BICD1: variants seen among roughly 807,000 people sequenced by gnomAD.
The protein encoded by BICD1 is protein bicaudal D homolog 1.
In BICD1, 35 loss-of-function variants were observed where a neutral mutation model predicts 92.5. That is an observed-to-expected ratio of 0.38 (90% CI 0.29 to 0.50). The LOEUF (loss-of-function observed/expected upper bound fraction) is 0.50, where lower values mean the gene tolerates loss of function less well. Among genes scored for constraint, BICD1 ranks in the 20% least tolerant of loss-of-function variants. The probability of loss-of-function intolerance (pLI) is 0.93; values close to 1 mark genes in which losing one functional copy is unlikely to be tolerated. For missense variants in BICD1, 950 were observed against 1,189.8 expected, an observed-to-expected ratio of 0.80 and a Z score of 2.97; for synonymous variants, 429 against 465.1, an observed-to-expected ratio of 0.92 and a Z score of 1.00.
At position 32,328,396 on chromosome 12, in the gene BICD1, G is replaced by A; in HGVS notation, c.1941G>A (p.Leu647=). 6.2e-7 allele frequency: 1 copy of A among 1,614,210 alleles called. No individual in the cohort carries two copies. Residue 647 remains leucine, a synonymous_variant, in exon 5 of 10, where the codon TTG becomes TTA. Coordinates refer to ENST00000652176, the MANE Select transcript of BICD1 (RefSeq NM_001714.4). The surrounding 1 kb of genome is among the most constrained non-coding windows in gnomAD (Gnocchi z 4.4). ...TGCAGAAAGCTGTGGACCGGTCCTT[G>A]CAACTGTCTCGTCAAAGAGCAGCGG... is the stretch of plus-strand genomic sequence containing the variant. The part of the protein sequence containing the change: ...KHLQKAVDRS[L]QLSRQRAAAR...
At chr12:32,326,825 G>A (rs1948787782) in intron 4 of BICD1, among the ~76,000 whole-genome samples, 1 of 152,214 alleles carries the variant, frequency 6.6e-6, no homozygotes, top group African/African-American at 2.4e-5. Flanking sequence ...AGAGCCTGCA[G>A]TAAGCCCTGA....
intron 2 of BICD1, among the ~76,000 whole-genome samples, chr12:32,281,226 T>A (rs1947403983): frequency 6.6e-6 from 1 of 152,216 alleles, no homozygotes; most frequent in South Asian, 2.1e-4. Flanking sequence ...TTCCCGAACA[T>A]GTTTGTTTTA....
At chr12:32,197,660 G>A in intron 1 of BICD1, among the ~76,000 whole-genome samples, 1 of 152,150 alleles carries the variant, frequency 6.6e-6, no homozygotes, top group East Asian at 1.9e-4. Flanking sequence ...TATTCTGCAA[G>A]AAATAGATTA....
intron 8 of BICD1, among the ~76,000 whole-genome samples, chr12:32,341,950 A>G (rs1938382571): frequency 6.6e-6 from 1 of 151,888 alleles, no homozygotes; most frequent in South Asian, 2.1e-4. Flanking sequence ...TATGTTCTAT[A>G]TAAGAAATAT....
At chr12:32,351,511 A>AG (rs1938880300) in intron 8 of BICD1, among the ~76,000 whole-genome samples, 1 of 139,300 alleles carries the variant, frequency 7.2e-6, no homozygotes, top group Non-Finnish European at 1.6e-5. Flanking sequence ...AAAAAAAAAA[A>AG]GAAAGGAGAA....
rs1218829326 is a variant in BICD1 at position 32,380,356 on chromosome 12, A to G, written c.*2729A>G. The stretch of plus-strand genomic sequence containing the variant: ...GGCAGAACTAGTGAGAACCAAAAAG[A>G]ATGAACTCCAGTAAGACTAATTGAA... On this transcript the variant is annotated 3_prime_UTR_variant, in exon 10 of 10. Transcript: ENST00000652176. 3 of 152,198 alleles carry G rather than the reference A, an allele frequency of 2.0e-5. No individual in the cohort carries two copies. Among genetic ancestry groups the G allele is most frequent in the African/African-American group, 7.2e-5 (3 of 41,466 alleles). 9.4% of individuals were successfully genotyped at this position (152,198 alleles called of 1,614,324 possible).
chr12:32,216,213 T>C (rs185489), intron 1 of BICD1, 34 bp from the exon 2 acceptor site: 1 of 1,596,160 alleles, frequency 6.3e-7, no homozygotes. Flanking sequence ...ATGCATTTCA[T>C]TGTGTACTCT....
intron 1 of BICD1, chr12:32,108,618 T>A: frequency 1.5e-6 from 1 of 680,054 alleles, no homozygotes; most frequent in Non-Finnish European, 2.7e-6. Flanking sequence ...ATATCAAAAA[T>A]CTATTATTTA....
chr12:32,367,887 T>C (rs1442982130), intron 9 of BICD1, 142 bp downstream of exon 9: 6 of 736,536 alleles, frequency 8.1e-6, no homozygotes, highest in South Asian at 6.7e-5. Flanking sequence ...TAGACACACA[T>C]TGGACACCTG....
intron 1 of BICD1, among the ~76,000 whole-genome samples, chr12:32,144,973 T>C (rs1412710295): frequency 6.6e-6 from 1 of 152,212 alleles, no homozygotes; most frequent in African/African-American, 2.4e-5. Flanking sequence ...TTGTCTCTTA[T>C]CTAGGAAGGA....
At chr12:32,179,283 C>T (rs929663142) in intron 1 of BICD1, among the ~76,000 whole-genome samples, 2 of 152,078 alleles carry the variant, frequency 1.3e-5, no homozygotes, top group Admixed American at 6.6e-5. Context: ...AACCCATTTA[C>T]ACCAGTTTCC....
At chr12:32,339,494 A>C in intron 8 of BICD1, 1 of 985,516 alleles carries the variant, frequency 1.0e-6, no homozygotes, top group Non-Finnish European at 1.2e-6. Context: ...TTTAGGTCTT[A>C]GTATAATGTT....
chr12:32,188,445 C>A (rs1004841459), intron 1 of BICD1, among the ~76,000 whole-genome samples: 4 of 152,146 alleles, frequency 2.6e-5, no homozygotes, highest in Non-Finnish European at 5.9e-5. Flanking sequence ...ACGTAGTTTA[C>A]AACTTTATGT....
At chr12:32,276,614 T>A (rs1188367533) in intron 2 of BICD1, among the ~76,000 whole-genome samples, 3 of 152,162 alleles carry the variant, frequency 2.0e-5, no homozygotes, top group Admixed American at 2.0e-4. Flanking sequence ...TTGGGTCCCC[T>A]CCCTTTGTAT....
intron 9 of BICD1, among the ~76,000 whole-genome samples, chr12:32,374,104 C>T (rs1165508829): frequency 1.3e-5 from 2 of 151,598 alleles, no homozygotes; most frequent in East Asian, 3.9e-4. Context: ...ATCCCAGCTA[C>T]TCAGGAGGCT....
intron 1 of BICD1, among the ~76,000 whole-genome samples, chr12:32,177,383 C>T (rs1944124813): frequency 6.8e-6 from 1 of 147,762 alleles, no homozygotes; most frequent in African/African-American, 2.5e-5. Flanking sequence ...ATACAATTTG[C>T]TGATAGGTAT....
At chr12:32,261,884 G>A (rs1363871987) in intron 2 of BICD1, among the ~76,000 whole-genome samples, 2 of 152,174 alleles carry the variant, frequency 1.3e-5, no homozygotes, top group Non-Finnish European at 2.9e-5. Context: ...AGGAAATGGC[G>A]AATGCCTTGA....
At chr12:32,166,129 TATTTATTTA>T (rs917971903) in intron 1 of BICD1, among the ~76,000 whole-genome samples, 9 of 31,436 alleles carry the variant, frequency 2.9e-4, no homozygotes, top group Admixed American at 1.3e-3. Flanking sequence ...TTTATTTATT[TATTTATTTA>T]TTTATTTATT....
At chr12:32,138,124 C>T (rs527468044) in intron 1 of BICD1, among the ~76,000 whole-genome samples, 7 of 152,272 alleles carry the variant, frequency 4.6e-5, no homozygotes, top group African/African-American at 1.2e-4. Flanking sequence ...AAAAATAGCT[C>T]GCTTGTGTTC....
Sources: gnomAD v4.1 joint callset for allele counts (sites outside exome capture counted in the v4.1 genomes callset) on GRCh38, gnomAD v4.1.1 for gene constraint, Gnocchi (gnomAD v3.1) non-coding constraint, MANE v1.5 for transcripts, NCBI Gene and HGNC (gene_info 2026-07-23, HGNC 2026-07-21) for gene names.